KCNH8: variants seen among roughly 807,000 people sequenced by gnomAD.
KCNH8 encodes potassium voltage-gated channel subfamily H member 8.
Under a neutral mutation model 103.6 loss-of-function variants are expected in KCNH8, and 70 were observed. The observed-to-expected ratio is 0.68, with a 90% CI of 0.56 to 0.82. The LOEUF (loss-of-function observed/expected upper bound fraction) is 0.82, where lower values mean the gene tolerates loss of function less well. Among genes scored for constraint, KCNH8 ranks in the 40% least tolerant of loss-of-function variants. The pLI is 0.00. For synonymous variants in KCNH8, 498 were observed against 489.4 expected, an observed-to-expected ratio of 1.02 and a Z score of -0.23; for missense variants, 1,217 against 1,329.9, an observed-to-expected ratio of 0.92 and a Z score of 1.32.
chr3:19,308,955 AAC>A (rs138727934), intron 3 of KCNH8, among the ~76,000 whole-genome samples: 2,679 of 151,842 alleles, frequency 0.018, 79 homozygotes, highest in African/African-American at 0.058. Flanking sequence ...CAGTGATGCT[AAC>A]ACACACCAAT....
chr3:19,527,848 G>C (rs554056129), intron 15 of KCNH8, among the ~76,000 whole-genome samples: 4 of 152,104 alleles, frequency 2.6e-5, no homozygotes, highest in Non-Finnish European at 1.5e-5. Flanking sequence ...GCATGATGCT[G>C]GGAGAATAGA....
Position 19,375,743 on chromosome 3 carries a change from A to C in KCNH8, c.812-14738A>C, listed in dbSNP as rs1336894459. ...TTTCCCCATCTTTGTGGTTTTATCT[A>C]CTTTTGGTCTTTGATGATGGTGATG... is the stretch of plus-strand genomic sequence containing the variant. On this transcript the variant is annotated intron_variant, in intron 5 of 15. Transcript: ENST00000328405. Among the ~76,000 whole-genome samples, 18 of 151,400 alleles carry C rather than the reference A, an allele frequency of 1.2e-4. 1 individual carries two copies. The East Asian group carries it at 3.5e-3, about 30-fold the overall frequency.
At chr3:19,208,663 A>T (rs1355188672) in intron 1 of KCNH8, among the ~76,000 whole-genome samples, 6 of 152,026 alleles carry the variant, frequency 3.9e-5, no homozygotes, top group African/African-American at 1.4e-4. Flanking sequence ...TAAGAGGACA[A>T]TAAAATGCTG....
At position 19,534,037 on chromosome 3, in the gene KCNH8, C is replaced by G; in HGVS notation, c.3262C>G (p.Leu1088Val). Residue 1088 changes from leucine (L) to valine (V), a missense_variant, in exon 16 of 16, where the codon CTT becomes GTT. By Grantham distance (32) the Leu-to-Val change is conservative (BLOSUM62 1). Transcript: ENST00000328405. ...AGCTTCTACAAAACCTTTGGAGAAC[C>G]TTCCACTGGAAGTTGTCACAAGCAC... ...ASASTKPLEN[L>V]PLEVVTSTAE... 1 of 1,614,128 alleles carries G rather than the reference C, an allele frequency of 6.2e-7. No homozygotes were observed. The highest frequency in any genetic ancestry group is 1.1e-5 in the South Asian group (1 of 91,082).
intron 1 of KCNH8, among the ~76,000 whole-genome samples, chr3:19,237,854 C>A (rs1264801149): frequency 6.6e-6 from 1 of 152,038 alleles, no homozygotes; most frequent in Non-Finnish European, 1.5e-5. Context: ...AATTACATAT[C>A]CATTGCTTAA....
intron 15 of KCNH8, among the ~76,000 whole-genome samples, chr3:19,527,736 G>A (rs1559372497): frequency 6.6e-6 from 1 of 152,068 alleles, no homozygotes; most frequent in East Asian, 1.9e-4. Context: ...ATGGCCAGTT[G>A]GCAAGTCAGT....
At chr3:19,433,544 A>C (rs2125167936) in intron 7 of KCNH8, among the ~76,000 whole-genome samples, 1 of 152,354 alleles carries the variant, frequency 6.6e-6, no homozygotes, top group South Asian at 2.1e-4. Context: ...AAAAAACTGA[A>C]TTCTATGAAG....
At chr3:19,292,634 G>A (rs575262190) in intron 3 of KCNH8, among the ~76,000 whole-genome samples, 2 of 152,302 alleles carry the variant, frequency 1.3e-5, no homozygotes, top group East Asian at 3.9e-4. Context: ...CCCGTGGTTA[G>A]GAACAGTGGC....
intron 1 of KCNH8, among the ~76,000 whole-genome samples, chr3:19,175,321 A>G (rs1318163326): frequency 1.3e-5 from 2 of 148,816 alleles, no homozygotes; most frequent in African/African-American, 5.0e-5. Context: ...TCCCGGGTTC[A>G]CGCCATTCTC....
chr3:19,533,489 C>T lies in KCNH8; in HGVS notation c.2714C>T (p.Ser905Leu). The change falls in exon 16 of 16, where the codon TCA (serine) becomes TTA (leucine). Residue 905 changes from serine to leucine, a missense_variant. By Grantham distance (145) the Ser-to-Leu change is moderately radical. Coordinates refer to ENST00000328405, the MANE Select transcript of KCNH8 (RefSeq NM_144633.3). ...LENVLSPQQP[S>L]RFCSLHSTSV... is the part of the protein sequence containing the mutation. ...AACGTTCTGTCACCTCAGCAGCCAT[C>T]ACGGTTTTGCTCTTTGCACAGCACC... The T allele has an allele frequency of 6.2e-7, 1 of 1,614,178 alleles. No individual in the cohort carries two copies. Among genetic ancestry groups the T allele is most frequent in the African/African-American group, 1.3e-5 (1 of 75,060 alleles).
chr3:19,365,459 A>C (rs1005200670), intron 5 of KCNH8, among the ~76,000 whole-genome samples: 2 of 149,944 alleles, frequency 1.3e-5, no homozygotes, highest in African/African-American at 5.0e-5. Flanking sequence ...TAATATCTGC[A>C]TAATATTCCA....
chr3:19,412,960 T>C (rs1360477634), intron 7 of KCNH8, among the ~76,000 whole-genome samples: 1 of 152,024 alleles, frequency 6.6e-6, no homozygotes, highest in Non-Finnish European at 1.5e-5. Context: ...GTTTGGAAAT[T>C]TCTCAAAGAA....
chr3:19,308,504 A>G (rs527353549), intron 3 of KCNH8, among the ~76,000 whole-genome samples: 1 of 152,044 alleles, frequency 6.6e-6, no homozygotes, highest in East Asian at 1.9e-4. Flanking sequence ...ATTCCCCACA[A>G]TCTTCCATAT....
In KCNH8 at chr3:19,281,108, A is replaced by T; in HGVS notation, c.311-90A>T. On this transcript the variant is annotated intron_variant, in intron 2 of 15. Coordinates refer to ENST00000328405, the MANE Select transcript of KCNH8 (RefSeq NM_144633.3). ...AGTTGTGGGATTGAAGAAAACACTA[A>T]GGGCTTTATTTTTTATTGATGATTG... 4 of 1,379,700 alleles carry T rather than the reference A, an allele frequency of 2.9e-6. No individual in the cohort carries two copies. In the South Asian group the frequency reaches 5.1e-5, roughly 18 times the overall value. 85.5% of individuals were successfully genotyped at this position (1,379,700 alleles called of 1,614,324 possible).
At chr3:19,468,365 G>A (rs954255241) in intron 11 of KCNH8, among the ~76,000 whole-genome samples, 2 of 152,108 alleles carry the variant, frequency 1.3e-5, no homozygotes, top group East Asian at 3.9e-4. Context: ...TGAAGACAGC[G>A]GCCTCTATGG....
intron 7 of KCNH8, among the ~76,000 whole-genome samples, chr3:19,432,570 G>A (rs1476914965): frequency 1.3e-5 from 2 of 152,120 alleles, no homozygotes; most frequent in Non-Finnish European, 2.9e-5. Flanking sequence ...TGTAATGCAA[G>A]TGATGAGTAC....
intron 3 of KCNH8, among the ~76,000 whole-genome samples, chr3:19,319,921 C>T (rs1211304507): frequency 1.3e-5 from 2 of 151,786 alleles, no homozygotes; most frequent in African/African-American, 2.4e-5. Flanking sequence ...TTTTTTGTAA[C>T]TATTGTAAAA....
At chr3:19,276,454 T>C (rs1258051981) in intron 2 of KCNH8, among the ~76,000 whole-genome samples, 2 of 152,104 alleles carry the variant, frequency 1.3e-5, no homozygotes, top group Non-Finnish European at 2.9e-5. Context: ...ATTAAAAATT[T>C]ATTCAAAATC....
At chr3:19,488,268 C>A (rs1242145262) in intron 11 of KCNH8, among the ~76,000 whole-genome samples, 1 of 152,038 alleles carries the variant, frequency 6.6e-6, no homozygotes. Flanking sequence ...TTCCCAGAAC[C>A]CTCCTTTTCT....
Sources: gnomAD v4.1 joint callset for allele counts (sites outside exome capture counted in the v4.1 genomes callset) on GRCh38, gnomAD v4.1.1 for gene constraint, MANE v1.5 for transcripts, NCBI Gene and HGNC (gene_info 2026-07-23, HGNC 2026-07-21) for gene names.